PRKCG: variants seen among roughly 807,000 people sequenced by gnomAD.
The protein encoded by PRKCG is protein kinase C gamma.
Under a neutral mutation model 82.0 loss-of-function variants are expected in PRKCG, and 28 were observed. The observed-to-expected ratio is 0.34, with a 90% CI of 0.25 to 0.47. The LOEUF (loss-of-function observed/expected upper bound fraction) is 0.47. PRKCG is among the 20% of genes least tolerant of loss of function. The pLI, the probability that PRKCG is intolerant of heterozygous loss-of-function variation, is 1.00. For missense variants in PRKCG, 640 were observed against 952.7 expected, an observed-to-expected ratio of 0.67 and a Z score of 4.32; for synonymous variants, 383 against 376.6, an observed-to-expected ratio of 1.02 and a Z score of -0.20.
intron 8 of PRKCG, 57 bp downstream of exon 8, chr19:53,893,132 C>G (rs762098114): frequency 1.0e-4 from 153 of 1,523,538 alleles, no homozygotes; most frequent in Middle Eastern, 1.7e-4. Context: ...CGGTTCAGAG[C>G]TGGCCTTTCC....
upstream of PRKCG, among the ~76,000 whole-genome samples, chr19:53,881,109 A>C (rs984060007): frequency 2.0e-5 from 2 of 101,256 alleles, no homozygotes; most frequent in Non-Finnish European, 4.5e-5. Flanking sequence ...AGTCATAGAC[A>C]GGAGAGAGAC....
rs191509547 is a variant in PRKCG at position 53,893,987 on chromosome 19, A to C, written c.939+596A>C. ...GGCCAGGCTGATCTCAAACTCCCAA[A>C]CTCAGGTGATCCGCCTGCCTTGGCC... On this transcript the variant is annotated intron_variant, in intron 9 of 17. Transcript: ENST00000263431. 3.1e-3 allele frequency among the ~76,000 whole-genome samples: 475 copies of C among 151,412 alleles called. 1 individual carries two copies. The highest frequency in any genetic ancestry group is 0.011 in the African/African-American group (443 of 41,262).
Position 53,889,786 on chromosome 19 carries a change from C to A in PRKCG, c.397+37C>A. ...GGGCCTTGCCAGGGCCCTTCCAAAG[C>A]GCCCGGTCTGGGTTCCGGGAAATGC... On this transcript the variant is annotated intron_variant, in intron 4 of 17. Transcript: ENST00000263431. The surrounding 1 kb of genome is among the most constrained non-coding windows in gnomAD (Gnocchi z 4.4). The A allele has an allele frequency of 1.2e-6, 2 of 1,603,980 alleles. No individual in the cohort carries two copies. The highest frequency in any genetic ancestry group is 1.7e-6 in the Non-Finnish European group (2 of 1,175,188).
intron 3 of PRKCG, among the ~76,000 whole-genome samples, chr19:53,887,040 T>G: frequency 6.6e-6 from 1 of 152,122 alleles, no homozygotes; most frequent in East Asian, 1.9e-4. Context: ...AAGGAGATCT[T>G]TCCTCTGCAT....
intron 9 of PRKCG, 117 bp from the exon 10 acceptor site, chr19:53,897,842 T>C: frequency 6.9e-7 from 1 of 1,450,908 alleles, no homozygotes. Context: ...GTGGCCATTT[T>C]CCTCTGTCTA....
chr19:53,899,983 G>A (rs1203315778), intron 11 of PRKCG, among the ~76,000 whole-genome samples: 2 of 152,196 alleles, frequency 1.3e-5, no homozygotes, highest in African/African-American at 4.8e-5. Context: ...CGAATGGTGG[G>A]CTTCAGTCTT....
rs907416477 is a variant in PRKCG, at chr19:53,884,350, G to C, written c.285+107G>C. On this transcript the variant is annotated intron_variant, in intron 3 of 17. Coordinates refer to ENST00000263431, the MANE Select transcript of PRKCG (RefSeq NM_002739.5). The surrounding 1 kb of genome is among the most constrained non-coding windows in gnomAD (Gnocchi z 4.6). ...CTATTTTTATGGCTGGGAGGGGAGGGGGGCTGGAGAGATAGGGGGAGCTAT... is the reference window on the plus strand; with the variant it reads ...CTATTTTTATGGCTGGGAGGGGAGGCGGGCTGGAGAGATAGGGGGAGCTAT... The C allele has an allele frequency of 1.3e-5, 15 of 1,116,848 alleles. No individual in the cohort carries two copies. The highest frequency in any genetic ancestry group is 2.0e-5 in the Non-Finnish European group (15 of 741,306). 69.2% of individuals were successfully genotyped at this position (1,116,848 alleles called of 1,614,324 possible). A position where few individuals can be genotyped will look rare whatever the true frequency, so the allele number is the denominator to read the frequency against.
intron 3 of PRKCG, among the ~76,000 whole-genome samples, chr19:53,886,063 GA>G (rs112819903): frequency 0.34 from 45,467 of 135,418 alleles, 8,006 homozygotes; most frequent in African/African-American, 0.5. Flanking sequence ...CTTTGTCTTG[GA>G]AAAAAAAAAA....
Position 53,898,576 on chromosome 19 carries a change from C to T in PRKCG, c.1229C>T (p.Pro410Leu), listed in dbSNP as rs1198868288. ...GTGCTGGCGCTGGGGGGCCGGGGTC[C>T]TGGCGGCCGGCCCCACTTCCTCACC... ...KRVLALGGRGPGGRPHFLTQL... is the reference protein window; with the variant it reads ...KRVLALGGRGLGGRPHFLTQL... The change falls in exon 11 of 18, where the codon CCT (proline) becomes CTT (leucine). Residue 410 changes from proline (P) to leucine (L), a missense_variant. By Grantham distance (98) the Pro-to-Leu change is moderately conservative (BLOSUM62 -3). Around this residue, in one of 7 missense-constraint regions of PRKCG, gnomAD observed 78 missense variants for 105.6 expected, o/e 0.74. Coordinates refer to ENST00000263431, the MANE Select transcript of PRKCG (RefSeq NM_002739.5). The T allele has an allele frequency of 1.2e-6, 2 of 1,609,036 alleles. No homozygotes were observed. The highest frequency in any genetic ancestry group is 1.7e-6 in the Non-Finnish European group (2 of 1,178,472).
Position 53,883,248 on chromosome 19 carries a change from C to A in PRKCG, c.202+54C>A. Reference sequence around the variant, plus strand: ...ACCCTCAGGAGGGTGGAGGCTGGGGCCCCACAGCTGAGGCTGCTTGACACA... The same window carrying A: ...ACCCTCAGGAGGGTGGAGGCTGGGGACCCACAGCTGAGGCTGCTTGACACA... On this transcript the variant is annotated intron_variant, in intron 2 of 17. Coordinates refer to ENST00000263431, the MANE Select transcript of PRKCG (RefSeq NM_002739.5). This position sits in a 1 kb window ranked among gnomAD's most constrained non-coding sequence, Gnocchi z 5.4. 6.2e-7 allele frequency: 1 copy of A among 1,605,138 alleles called. No individual in the cohort carries two copies. The highest frequency in any genetic ancestry group is 8.5e-7 in the Non-Finnish European group (1 of 1,172,710).
In PRKCG at chr19:53,889,879, C is replaced by A. The variant is rs893458759; in HGVS notation, c.398-7C>A. 2 of 1,581,664 alleles carry A rather than the reference C, an allele frequency of 1.3e-6. No individual in the cohort carries two copies. The highest frequency in any genetic ancestry group is 2.3e-5 in the East Asian group (1 of 42,902). On this transcript the variant is annotated splice_polypyrimidine_tract_variant and splice_region_variant and intron_variant, in intron 4 of 17. Transcript: ENST00000263431. This position sits in a 1 kb window ranked among gnomAD's most constrained non-coding sequence, Gnocchi z 4.4. Reference sequence around the variant, plus strand: ...CCTGAGGTGCTACCCGCAGCTTTCCCCTCCAGGCTGCGAGATGAACGTGCA... The same window carrying A: ...CCTGAGGTGCTACCCGCAGCTTTCCACTCCAGGCTGCGAGATGAACGTGCA...
chr19:53,903,417 A>G (rs1200671865), intron 15 of PRKCG, among the ~76,000 whole-genome samples: 1 of 152,200 alleles, frequency 6.6e-6, no homozygotes, highest in Non-Finnish European at 1.5e-5. Flanking sequence ...ATGTTTTTCA[A>G]TGCACAAAAT....
At position 53,892,452 on chromosome 19, in the gene PRKCG, G is replaced by T. The variant is rs2068683332; in HGVS notation, c.687-57G>T. The T allele has an allele frequency of 4.4e-6, 7 of 1,582,498 alleles. No homozygotes were observed. The highest frequency in any genetic ancestry group is 6.0e-6 in the Non-Finnish European group (7 of 1,169,620). ...CCCCACCTCCAGCACCAAGGATGGG[G>T]AACCGAGGGGAGCCATGAGCTCGGC... is the stretch of plus-strand genomic sequence containing the variant. On this transcript the variant is annotated intron_variant, in intron 6 of 17. Transcript: ENST00000263431. This position sits in a 1 kb window ranked among gnomAD's most constrained non-coding sequence, Gnocchi z 5.9.
chr19:53,892,954 C>T lies in PRKCG; in HGVS notation c.822-34C>T, dbSNP rs79232615. The T allele has an allele frequency of 3.6e-3, 5,793 of 1,600,650 alleles. 158 individuals are homozygous for T. The African/African-American group carries it at 0.067, about 19-fold the overall frequency. On this transcript the variant is annotated intron_variant, in intron 7 of 17. Coordinates refer to ENST00000263431, the MANE Select transcript of PRKCG (RefSeq NM_002739.5). This position sits in a 1 kb window ranked among gnomAD's most constrained non-coding sequence, Gnocchi z 5.9. ...GCCTCTCCCATGGGTGCCCCATCCC[C>T]GCTGCCCGCCTCTGGTCTCCGTCTG... is the stretch of plus-strand genomic sequence containing the variant.
rs1342627846 is a variant in PRKCG, at chr19:53,892,407, C to A, written c.687-102C>A. 21 of 1,515,986 alleles carry A rather than the reference C, an allele frequency of 1.4e-5. No individual in the cohort carries two copies. The East Asian group carries it at 4.6e-4, about 33-fold the overall frequency. 93.9% of individuals were successfully genotyped at this position (1,515,986 alleles called of 1,614,324 possible). On this transcript the variant is annotated intron_variant, in intron 6 of 17. Coordinates refer to ENST00000263431, the MANE Select transcript of PRKCG (RefSeq NM_002739.5). This position sits in a 1 kb window ranked among gnomAD's most constrained non-coding sequence, Gnocchi z 5.9. ...GGAGACCGACAAAGCAGGAGAGGAG[C>A]CCCAGCTGGCTGGGTTTGCCCCCAC...
Position 53,882,284 on chromosome 19 carries a change from C to A in PRKCG, c.-211C>A. The A allele has an allele frequency of 1.5e-6, 1 of 677,054 alleles. No homozygotes were observed. 41.9% of individuals were successfully genotyped at this position (677,054 alleles called of 1,614,324 possible). Reference sequence around the variant, plus strand: ...CGCCCCTGCCTTTGGCTCTTCCTCCCCACTCGCCCGCTCCCCCTGGCGGAG... The same window carrying A: ...CGCCCCTGCCTTTGGCTCTTCCTCCACACTCGCCCGCTCCCCCTGGCGGAG... On this transcript the variant is annotated 5_prime_UTR_variant, in exon 1 of 18. Coordinates refer to ENST00000263431, the MANE Select transcript of PRKCG (RefSeq NM_002739.5). This position sits in a 1 kb window ranked among gnomAD's most constrained non-coding sequence, Gnocchi z 6.1.
In PRKCG at chr19:53,884,225, G is replaced by A. The variant is rs748600746; in HGVS notation, c.267G>A (p.Gly89=). 2 of 1,614,054 alleles carry A rather than the reference G, an allele frequency of 1.2e-6. No homozygotes were observed. Among genetic ancestry groups the A allele is most frequent in the South Asian group, 1.1e-5 (1 of 91,076 alleles). ...EFVTFECPGA[G]KGPQTDDPRN... Reference sequence around the variant, plus strand: ...TGACCTTCGAGTGTCCAGGCGCTGGGAAGGGCCCCCAGACGGACGTGAGTG... The same window carrying A: ...TGACCTTCGAGTGTCCAGGCGCTGGAAAGGGCCCCCAGACGGACGTGAGTG... Residue 89 remains glycine (G), a synonymous_variant, in exon 3 of 18, where the codon GGG becomes GGA. Coordinates refer to ENST00000263431, the MANE Select transcript of PRKCG (RefSeq NM_002739.5). This position sits in a 1 kb window ranked among gnomAD's most constrained non-coding sequence, Gnocchi z 4.6.
At chr19:53,885,901 T>C (rs1433771734) in intron 3 of PRKCG, among the ~76,000 whole-genome samples, 7 of 151,172 alleles carry the variant, frequency 4.6e-5, no homozygotes, top group East Asian at 2.0e-4. Flanking sequence ...CCAGTGCTCA[T>C]TGGGTACACT....
In PRKCG at chr19:53,889,749, T is replaced by A; in HGVS notation, c.397T>A (p.Cys133Ser). The A allele has an allele frequency of 5.0e-6, 8 of 1,613,636 alleles. No individual in the cohort carries two copies. Among genetic ancestry groups the A allele is most frequent in the Non-Finnish European group, 6.8e-6 (8 of 1,179,796 alleles). The change falls in exon 4 of 18, where the codon TGC becomes AGC. Residue 133 changes from cysteine to serine, a missense_variant and splice_region_variant. Cys to Ser is a moderately radical substitution (Grantham distance 112, BLOSUM62 -1). This residue lies in a region of PRKCG where 261 missense variants were observed against 312.1 expected (regional missense o/e 0.84). Coordinates refer to ENST00000263431, the MANE Select transcript of PRKCG (RefSeq NM_002739.5). This position sits in a 1 kb window ranked among gnomAD's most constrained non-coding sequence, Gnocchi z 4.4. The stretch of plus-strand genomic sequence containing the variant: ...TGTGCACCAGGGCATGAAATGCTCC[T>A]GTGAGTGACCTGGGCCTTGCCAGGG... ...GLVHQGMKCS[C>S]CEMNVHRRCV...
Sources: gnomAD v4.1 joint callset for allele counts (sites outside exome capture counted in the v4.1 genomes callset) on GRCh38, gnomAD v4.1.1 for gene constraint, gnomAD v4.1.1 regional missense constraint, Gnocchi (gnomAD v3.1) non-coding constraint, MANE v1.5 for transcripts, NCBI Gene and HGNC (gene_info 2026-07-23, HGNC 2026-07-21) for gene names.